The following NDST1 variants were observed in gnomAD, a reference collection of about 807,000 sequenced individuals.
The protein encoded by NDST1 is bifunctional heparan sulfate N-deacetylase/N-sulfotransferase 1.
NDST1 carries 35 observed loss-of-function variants against 92.8 expected under a neutral mutation model. The ratio of observed to expected loss-of-function variants is 0.38; its 90% CI spans 0.29 to 0.50. The LOEUF is 0.50. Ranked by LOEUF, NDST1 falls within the 20% of genes least tolerant of loss-of-function variation. The probability of loss-of-function intolerance (pLI) is 0.94; values close to 1 mark genes in which losing one functional copy is unlikely to be tolerated. For synonymous variants in NDST1, 493 were observed against 500.3 expected (o/e 0.99, Z 0.19); for missense variants, 822 against 1,182.7 (o/e 0.69, Z 4.47).
At position 150,540,284 on chromosome 5, in the gene NDST1, G is replaced by T; in HGVS notation, c.1749+20G>T. The T allele has an allele frequency of 6.3e-7, 1 of 1,586,252 alleles. No individual in the cohort carries two copies. Among genetic ancestry groups the T allele is most frequent in the Non-Finnish European group, 8.6e-7 (1 of 1,164,508 alleles). On this transcript the variant is annotated intron_variant, in intron 8 of 14. Coordinates refer to ENST00000261797, the MANE Select transcript of NDST1 (RefSeq NM_001543.5). Reference sequence around the variant, plus strand: ...TGGCAGGTGGGGGGCTGGGCAGCCTGGGCAGGTTGCTACAGGGATGGAACG... The same window carrying T: ...TGGCAGGTGGGGGGCTGGGCAGCCTTGGCAGGTTGCTACAGGGATGGAACG...
intron 3 of NDST1, among the ~76,000 whole-genome samples, chr5:150,531,500 C>CTTTTTT (rs35747232): frequency 7.6e-5 from 10 of 131,136 alleles, no homozygotes; most frequent in Middle Eastern, 3.9e-3. Flanking sequence ...CTTTTTCTCT[C>CTTTTTT]TTTTTTTTTT....
chr5:150,534,745 G>A (rs1279506554), intron 4 of NDST1, 122 bp from the exon 5 acceptor site: 1 of 1,202,706 alleles, frequency 8.3e-7, no homozygotes. Context: ...CTGTAGCCCA[G>A]ATAACTCTTC....
chr5:150,530,896 C>T (rs1324535739), intron 3 of NDST1, among the ~76,000 whole-genome samples: 1 of 152,060 alleles, frequency 6.6e-6, no homozygotes, highest in Non-Finnish European at 1.5e-5. Context: ...GGAATGATAG[C>T]AGTTTGAAGC....
At chr5:150,548,571 C>T (rs1037976177) in intron 12 of NDST1, among the ~76,000 whole-genome samples, 183 bp downstream of exon 12, 1 of 152,146 alleles carries the variant, frequency 6.6e-6, no homozygotes, top group African/African-American at 2.4e-5. Flanking sequence ...GGGTCTCACT[C>T]TGTTGCCCAG....
chr5:150,514,438 G>A (rs1753864020), intron 1 of NDST1, among the ~76,000 whole-genome samples: 1 of 151,904 alleles, frequency 6.6e-6, no homozygotes, highest in East Asian at 1.9e-4. Context: ...GTGGGTGCTT[G>A]TAATCCCAGC....
intron 4 of NDST1, among the ~76,000 whole-genome samples, chr5:150,533,724 C>T (rs1754851866): frequency 2.6e-5 from 4 of 152,070 alleles, no homozygotes; most frequent in Admixed American, 2.0e-4. Flanking sequence ...CAACATAGCC[C>T]CAAAGCCAAA....
In NDST1 at chr5:150,546,674, C is replaced by T. The variant is rs577824705; in HGVS notation, c.2145+1188C>T. Among the ~76,000 whole-genome samples the T allele has an allele frequency of 2.5e-3, 377 of 152,352 alleles. 2 individuals are homozygous for T. The highest frequency in any genetic ancestry group is 8.5e-3 in the African/African-American group (354 of 41,576). ...ATAGTTCCCACCCTGCTTTGAGGCT[C>T]TTTTCTCAGATGTGACAGTGGCTGT... is the stretch of plus-strand genomic sequence containing the variant. On this transcript the variant is annotated intron_variant, in intron 11 of 14. Transcript: ENST00000261797.
At chr5:150,552,025 C>A in intron 14 of NDST1, 170 bp downstream of exon 14, 1 of 697,172 alleles carries the variant, frequency 1.4e-6, no homozygotes, top group Non-Finnish European at 1.8e-6. Flanking sequence ...CATGGTGGGT[C>A]AGACCTGATT....
chr5:150,509,222 A>G (rs1753605862), intron 1 of NDST1, among the ~76,000 whole-genome samples: 2 of 152,178 alleles, frequency 1.3e-5, no homozygotes, highest in South Asian at 4.1e-4. Flanking sequence ...GGAGTCGGGC[A>G]TGCGGGAGGG....
At position 150,554,221 on chromosome 5, in the gene NDST1, C is replaced by A. The variant is rs1296931734; in HGVS notation, c.*889C>A. ...TTGCTTAGCCACCTGTGGCCGAGGG[C>A]TCTCAGAGACCCCCTTAACCTCCCA... is the stretch of plus-strand genomic sequence containing the variant. On this transcript the variant is annotated 3_prime_UTR_variant, in exon 15 of 15. Coordinates refer to ENST00000261797, the MANE Select transcript of NDST1 (RefSeq NM_001543.5). 1 of 397,946 alleles carries A rather than the reference C, an allele frequency of 2.5e-6. No individual in the cohort carries two copies. The highest frequency in any genetic ancestry group is 4.4e-6 in the Non-Finnish European group (1 of 225,712). The allele number at this position is 397,946 out of a possible 1,614,324, so 24.7% of individuals were successfully genotyped here.
At chr5:150,514,204 C>T (rs1753853923) in intron 1 of NDST1, among the ~76,000 whole-genome samples, 2 of 152,246 alleles carry the variant, frequency 1.3e-5, no homozygotes, top group Admixed American at 6.5e-5. Flanking sequence ...GTGACAACCT[C>T]TCTGAGCCTT....
At chr5:150,507,355 G>A (rs1455396148), upstream of NDST1, among the ~76,000 whole-genome samples, 1 of 152,140 alleles carries the variant, frequency 6.6e-6, no homozygotes, top group African/African-American at 2.4e-5. Flanking sequence ...CTCTAAGAAG[G>A]CAAATACCTT....
At position 150,535,133 on chromosome 5, in the gene NDST1, C is replaced by T. The variant is rs527396454; in HGVS notation, c.1251+112C>T. The T allele has an allele frequency of 3.2e-5, 47 of 1,466,036 alleles. No homozygotes were observed. In the African/African-American group the frequency reaches 5.3e-4, roughly 17 times the overall value. The allele number at this position is 1,466,036 out of a possible 1,614,324, so 90.8% of individuals were successfully genotyped here. A position where few individuals can be genotyped will look rare whatever the true frequency, so the allele number is the denominator to read the frequency against. On this transcript the variant is annotated intron_variant, in intron 5 of 14. Coordinates refer to ENST00000261797, the MANE Select transcript of NDST1 (RefSeq NM_001543.5). Reference sequence around the variant, plus strand: ...GTCTGCTCTGACGGATTTTTACTAACACCTCTGGGCCAGGGCCAAGGGAGA... The same window carrying T: ...GTCTGCTCTGACGGATTTTTACTAATACCTCTGGGCCAGGGCCAAGGGAGA...
In NDST1 at chr5:150,555,383, G is replaced by C. The variant is rs1249000174; in HGVS notation, c.*2051G>C. Reference sequence around the variant, plus strand: ...TTCTGAGCTGATTCCCTTTTCTCCAGTTCTCTGCTGGGATGAAGAAAGTTG... The same window carrying C: ...TTCTGAGCTGATTCCCTTTTCTCCACTTCTCTGCTGGGATGAAGAAAGTTG... On this transcript the variant is annotated 3_prime_UTR_variant, in exon 15 of 15. Coordinates refer to ENST00000261797, the MANE Select transcript of NDST1 (RefSeq NM_001543.5). 1 of 152,914 alleles carries C rather than the reference G, an allele frequency of 6.5e-6. No individual in the cohort carries two copies. The highest frequency in any genetic ancestry group is 1.5e-5 in the Non-Finnish European group (1 of 68,276). 9.5% of individuals were successfully genotyped at this position (152,914 alleles called of 1,614,324 possible).
intron 6 of NDST1, 120 bp downstream of exon 6, chr5:150,536,005 G>A (rs1174510704): frequency 1.2e-5 from 14 of 1,203,978 alleles, no homozygotes; most frequent in Middle Eastern, 2.6e-4. Flanking sequence ...TTGCAGATCA[G>A]CTTCTGCTGC....
In NDST1 at chr5:150,540,244, GAGA is replaced by G; in HGVS notation, c.1732_1734del (p.Lys578del). 6.2e-7 allele frequency: 1 copy of G among 1,610,436 alleles called. No homozygotes were observed. Among genetic ancestry groups the G allele is most frequent in the Non-Finnish European group, 8.5e-7 (1 of 1,177,324 alleles). On this transcript the variant is annotated inframe_deletion, in exon 8 of 15. Transcript: ENST00000261797. ...GAAGTACTTCCAGATCTTCTCCGAG[GAGA>G]AGGACCCGCTCTGGCAGGTGGGGGG...
In NDST1 at chr5:150,527,837, A is replaced by C. The variant is rs757716084; in HGVS notation, c.547A>C (p.Lys183Gln). 6.2e-7 allele frequency: 1 copy of C among 1,614,116 alleles called. No homozygotes were observed. The highest frequency in any genetic ancestry group is 8.5e-7 in the Non-Finnish European group (1 of 1,180,032). The change falls in exon 3 of 15, where the codon AAG becomes CAG. Residue 183 changes from lysine to glutamine, a missense_variant. Physicochemically the swap from Lys to Gln is moderately conservative, Grantham distance 53. Transcript: ENST00000261797. Reference sequence around the variant, plus strand: ...GAACAGCCTGCTGAGTGCGCAGCTCAAGGGCTTCCCCCTGTTCCTGCACTC... The same window carrying C: ...GAACAGCCTGCTGAGTGCGCAGCTCCAGGGCTTCCCCCTGTTCCTGCACTC... Reference protein sequence around the residue: ...NENSLLSAQLKGFPLFLHSNL... With the variant: ...NENSLLSAQLQGFPLFLHSNL...
rs1057280610 is a variant in NDST1 at position 150,521,973 on chromosome 5, G to A, written c.513+206G>A. Among the ~76,000 whole-genome samples the A allele has an allele frequency of 1.3e-5, 2 of 151,116 alleles. No homozygotes were observed. The highest frequency in any genetic ancestry group is 4.9e-5 in the African/African-American group (2 of 40,416). ...TTGTAAGTATTAGGGGAGCGTGCCA[G>A]GGGGATCGCCTGCTGTGCGTGGGGT... On this transcript the variant is annotated intron_variant, in intron 2 of 14. Transcript: ENST00000261797. The surrounding 1 kb of genome is among the most constrained non-coding windows in gnomAD (Gnocchi z 5.9).
At chr5:150,546,986 G>A (rs905649561) in intron 11 of NDST1, among the ~76,000 whole-genome samples, 22 of 152,340 alleles carry the variant, frequency 1.4e-4, no homozygotes, top group Middle Eastern at 3.4e-3. Flanking sequence ...ATGGGGGAAC[G>A]TAGGGTAGAG....
Sources: allele counts gnomAD v4.1 joint callset (sites outside exome capture counted in the v4.1 genomes callset), GRCh38; gene constraint gnomAD v4.1.1; non-coding constraint Gnocchi (gnomAD v3.1); transcripts MANE v1.5; gene names NCBI Gene and HGNC (gene_info 2026-07-23, HGNC 2026-07-21).